Variants in ACACB observed in about 807,000 individuals in gnomAD.
ACACB encodes acetyl-CoA carboxylase 2.
Under a neutral mutation model 278.8 loss-of-function variants are expected in ACACB, and 209 were observed. The ratio of observed to expected loss-of-function variants is 0.75; its 90% CI spans 0.67 to 0.84. ACACB has a LOEUF of 0.84. Among genes scored for constraint, ACACB ranks in the 40% least tolerant of loss-of-function variants. ACACB has a pLI of 0.00. For missense variants in ACACB, 2,850 were observed against 3,269.0 expected, an observed-to-expected ratio of 0.87 and a Z score of 3.13; for synonymous variants, 1,174 against 1,285.6, an observed-to-expected ratio of 0.91 and a Z score of 1.86.
At chr12:109,114,721 G>A (rs1490256115), upstream of ACACB, among the ~76,000 whole-genome samples, 1 of 151,540 alleles carries the variant, frequency 6.6e-6, no homozygotes, top group Non-Finnish European at 1.5e-5. Flanking sequence ...CAGGGGTGGT[G>A]TGTGCCTGTA....
In ACACB at chr12:109,247,670, A is replaced by G. The variant is rs1480715439; in HGVS notation, c.5636A>G (p.His1879Arg). 6 of 1,613,808 alleles carry G rather than the reference A, an allele frequency of 3.7e-6. No individual in the cohort carries two copies. The highest frequency in any genetic ancestry group is 5.1e-6 in the Non-Finnish European group (6 of 1,179,926). ...AGAATCAGCTCCCTGAACTCCGTCC[A>G]CTGTAAACACATCGAGGAAGGAGGA... ...YTRISSLNSV[H>R]CKHIEEGGES... The change falls in exon 40 of 53, where the codon CAC becomes CGC. Residue 1879 changes from histidine (H) to arginine (R), a missense_variant. His to Arg is a conservative substitution (Grantham distance 29). Transcript: ENST00000338432.
At chr12:109,208,062 G>C (rs1410979613) in intron 20 of ACACB, among the ~76,000 whole-genome samples, 1 of 152,134 alleles carries the variant, frequency 6.6e-6, no homozygotes, top group Non-Finnish European at 1.5e-5. Context: ...TCCACTTACA[G>C]TTGAGGCAAC....
At chr12:109,204,849 C>T (rs994655601) in intron 19 of ACACB, among the ~76,000 whole-genome samples, 4 of 151,944 alleles carry the variant, frequency 2.6e-5, no homozygotes, top group African/African-American at 9.7e-5. Context: ...TCATTAGTCT[C>T]TTTCTCTCTT....
At chr12:109,138,734 T>C (rs554471799) in intron 1 of ACACB, among the ~76,000 whole-genome samples, 42 of 152,156 alleles carry the variant, frequency 2.8e-4, no homozygotes, top group Non-Finnish European at 3.4e-4. Flanking sequence ...TGCATGCCTG[T>C]AGCCCAAGCT....
At chr12:109,126,159 A>G (rs1307631832) in intron 1 of ACACB, among the ~76,000 whole-genome samples, 1 of 152,220 alleles carries the variant, frequency 6.6e-6, no homozygotes, top group Admixed American at 6.5e-5. Context: ...ACCTGTGAAG[A>G]TGGCAAGGAC....
At chr12:109,259,184 CTAA>C in intron 47 of ACACB, 76 bp downstream of exon 47, 1 of 1,532,500 alleles carries the variant, frequency 6.5e-7, no homozygotes, top group Non-Finnish European at 8.9e-7. Flanking sequence ...GGTGGTGATG[CTAA>C]TGTCCTAGTC....
At chr12:109,146,892 C>T (rs977571585) in intron 2 of ACACB, among the ~76,000 whole-genome samples, 3 of 152,010 alleles carry the variant, frequency 2.0e-5, no homozygotes, top group African/African-American at 7.3e-5. Flanking sequence ...TCAGGCTGGT[C>T]GGAATCTCAT....
chr12:109,241,016 C>G, intron 35 of ACACB, 62 bp from the exon 36 acceptor site: 1 of 1,526,194 alleles, frequency 6.6e-7, no homozygotes. Context: ...AGTATCAGTG[C>G]TATTGCAAAT....
intron 2 of ACACB, among the ~76,000 whole-genome samples, chr12:109,156,935 T>C (rs1044136099): frequency 3.9e-5 from 6 of 152,090 alleles, no homozygotes; most frequent in Non-Finnish European, 7.4e-5. Context: ...TGTGGTCTCA[T>C]GCCATCTTCA....
At chr12:109,125,091 T>C (rs2042645762) in intron 1 of ACACB, among the ~76,000 whole-genome samples, 1 of 152,182 alleles carries the variant, frequency 6.6e-6, no homozygotes, top group Non-Finnish European at 1.5e-5. Context: ...AAAGGCAGAG[T>C]ACATGGTTGA....
intron 19 of ACACB, among the ~76,000 whole-genome samples, chr12:109,203,067 A>G (rs1201424887): frequency 6.6e-6 from 1 of 152,144 alleles, no homozygotes; most frequent in East Asian, 1.9e-4. Flanking sequence ...CTGTCTATCA[A>G]TTCAACTCCT....
chr12:109,169,991 C>T (rs1227560708), intron 4 of ACACB, among the ~76,000 whole-genome samples: 2 of 152,198 alleles, frequency 1.3e-5, no homozygotes, highest in Admixed American at 6.5e-5. Context: ...CTTAGCAATT[C>T]TATAGTACAG....
Position 109,240,002 on chromosome 12 carries a change from G to A in ACACB, c.4818+17G>A, listed in dbSNP as rs2046749095. 6.2e-7 allele frequency: 1 copy of A among 1,610,654 alleles called. No individual in the cohort carries two copies. Among genetic ancestry groups the A allele is most frequent in the Admixed American group, 1.7e-5 (1 of 59,766 alleles). On this transcript the variant is annotated intron_variant, in intron 35 of 52. Transcript: ENST00000338432. ...CCCTTCAAGGTCTCGCCTTTGCAGG[G>A]GGGCTCTCACCGGGCTCTGGGTTCA...
intron 2 of ACACB, among the ~76,000 whole-genome samples, chr12:109,151,933 T>C (rs2043386154): frequency 6.6e-6 from 1 of 152,238 alleles, no homozygotes; most frequent in Admixed American, 6.5e-5. Context: ...CAATTAGTTT[T>C]GCACCGACTG....
At chr12:109,178,518 A>G (rs765640354) in intron 9 of ACACB, among the ~76,000 whole-genome samples, 3 of 152,220 alleles carry the variant, frequency 2.0e-5, no homozygotes, top group Non-Finnish European at 4.4e-5. Context: ...TAACAGTGCA[A>G]TATCTTTAGG....
intron 2 of ACACB, among the ~76,000 whole-genome samples, chr12:109,155,103 G>T (rs989761007): frequency 2.0e-5 from 3 of 152,114 alleles, no homozygotes; most frequent in African/African-American, 7.2e-5. Flanking sequence ...GATGATGCCC[G>T]CCTTGGAAAC....
chr12:109,234,256 G>A (rs2046567061), intron 31 of ACACB, among the ~76,000 whole-genome samples: 1 of 152,162 alleles, frequency 6.6e-6, no homozygotes, highest in African/African-American at 2.4e-5. Flanking sequence ...TCACGGTGTT[G>A]CAATGATTCA....
Position 109,258,960 on chromosome 12 carries a change from C to T in ACACB, c.6361-13C>T, listed in dbSNP as rs752587185. 2.3e-5 allele frequency: 37 copies of T among 1,613,704 alleles called. No individual in the cohort carries two copies. Among genetic ancestry groups the T allele is most frequent in the Non-Finnish European group, 5.1e-6 (6 of 1,179,840 alleles). On this transcript the variant is annotated splice_polypyrimidine_tract_variant and intron_variant, in intron 46 of 52. Coordinates refer to ENST00000338432, the MANE Select transcript of ACACB (RefSeq NM_001093.4). ...GTGCAGAGACATCTGATCCCCGCAG[C>T]TCTGTGTTCCAGATAATTCAGCAGG... is the stretch of plus-strand genomic sequence containing the variant.
chr12:109,264,250 A>G lies in ACACB; in HGVS notation c.6806A>G (p.Asp2269Gly). The change falls in exon 50 of 53, where the codon GAC becomes GGC. Residue 2269 changes from aspartate (D) to glycine (G), a missense_variant. This residue lies in a region of ACACB where 579 missense variants were observed against 684.6 expected (regional missense o/e 0.85). Coordinates refer to ENST00000338432, the MANE Select transcript of ACACB (RefSeq NM_001093.4). ...CCTGCAGGGGAACCTGATCTCTCCG[A>G]CAAGGACCGAAAGGACCTGGAGGGC... ...MEQLGEPDLSDKDRKDLEGRL... is the reference protein window; with the variant it reads ...MEQLGEPDLSGKDRKDLEGRL... 1 of 1,614,034 alleles carries G rather than the reference A, an allele frequency of 6.2e-7. No homozygotes were observed. Among genetic ancestry groups the G allele is most frequent in the South Asian group, 1.1e-5 (1 of 91,072 alleles).
Sources: gnomAD v4.1 joint callset for allele counts (sites outside exome capture counted in the v4.1 genomes callset) on GRCh38, gnomAD v4.1.1 for gene constraint, gnomAD v4.1.1 regional missense constraint, MANE v1.5 for transcripts, NCBI Gene and HGNC (gene_info 2026-07-23, HGNC 2026-07-21) for gene names.